Variants in FGF14 observed in about 807,000 individuals in gnomAD.
The protein encoded by FGF14 is fibroblast growth factor 14.
FGF14 carries 5 observed loss-of-function variants against 25.5 expected under a neutral mutation model. The ratio of observed to expected loss-of-function variants is 0.20; its 90% CI spans 0.10 to 0.41. The LOEUF (loss-of-function observed/expected upper bound fraction) is 0.41. FGF14 is among the 10% of genes least tolerant of loss of function. FGF14 has a pLI of 1.00. For missense variants in FGF14, 222 were observed against 320.1 expected (o/e 0.69, Z 2.34); for synonymous variants, 138 against 118.3 (o/e 1.17, Z -1.08).
At chr13:102,076,492 G>A (rs1051474442) in intron 1 of FGF14, among the ~76,000 whole-genome samples, 4 of 152,050 alleles carry the variant, frequency 2.6e-5, no homozygotes, top group African/African-American at 7.2e-5. Context: ...ATGAAATTGT[G>A]TAATGACACA....
At chr13:101,823,775 T>C (rs1317008707) in intron 3 of FGF14, among the ~76,000 whole-genome samples, 1 of 150,236 alleles carries the variant, frequency 6.7e-6, no homozygotes, top group Non-Finnish European at 1.5e-5. Context: ...ATACAAGATA[T>C]ACTATGTATA....
intron 1 of FGF14, among the ~76,000 whole-genome samples, chr13:102,281,384 C>A (rs541258437): frequency 1.3e-5 from 2 of 152,212 alleles, no homozygotes; most frequent in South Asian, 4.1e-4. Flanking sequence ...ATCAGCCCAG[C>A]AAAGAGAGGG....
chr13:101,982,285 T>C (rs725730), intron 1 of FGF14, among the ~76,000 whole-genome samples: 50,417 of 152,086 alleles, frequency 0.33, 9,147 homozygotes, highest in East Asian at 0.7. Flanking sequence ...TTCTATTTTA[T>C]GCAGCAGGTT....
intron 1 of FGF14, among the ~76,000 whole-genome samples, chr13:101,927,765 T>C (rs1484096381): frequency 6.6e-6 from 1 of 152,030 alleles, no homozygotes; most frequent in Non-Finnish European, 1.5e-5. Context: ...TTTCTTTGAC[T>C]CCTACACACT....
intron 1 of FGF14, among the ~76,000 whole-genome samples, chr13:102,109,378 G>T (rs2045101172): frequency 6.6e-6 from 1 of 152,120 alleles, no homozygotes; most frequent in South Asian, 2.1e-4. Context: ...ACAACGTTTT[G>T]TATACTTGAA....
At chr13:102,003,301 G>C (rs1174988934) in intron 1 of FGF14, 1 of 152,164 alleles carries the variant, frequency 6.6e-6, no homozygotes, top group Non-Finnish European at 1.5e-5. Flanking sequence ...TGTGAATAAA[G>C]AGAGCCATGG....
chr13:102,126,433 T>C (rs1411614473), intron 1 of FGF14, among the ~76,000 whole-genome samples: 2 of 152,230 alleles, frequency 1.3e-5, no homozygotes, highest in South Asian at 2.1e-4. Context: ...TTCTATTGTA[T>C]GTAGATACCA....
intron 3 of FGF14, among the ~76,000 whole-genome samples, chr13:101,730,864 T>C (rs1226479521): frequency 1.3e-5 from 2 of 152,164 alleles, no homozygotes; most frequent in Admixed American, 6.5e-5. Context: ...GGTGAGGAGA[T>C]GAAGACAGTG....
intron 1 of FGF14, among the ~76,000 whole-genome samples, chr13:101,968,331 T>A (rs1171546368): frequency 1.3e-5 from 2 of 152,180 alleles, no homozygotes; most frequent in African/African-American, 2.4e-5. Context: ...ATATTTTACC[T>A]GTTGGATGTA....
intron 1 of FGF14, among the ~76,000 whole-genome samples, chr13:102,250,031 A>G (rs2052091578): frequency 6.6e-6 from 1 of 152,144 alleles, no homozygotes; most frequent in African/African-American, 2.4e-5. Flanking sequence ...CTGCCTATGT[A>G]AGAAGACCAC....
At chr13:102,323,512 T>C (rs1227247809) in intron 1 of FGF14, among the ~76,000 whole-genome samples, 1 of 152,192 alleles carries the variant, frequency 6.6e-6, no homozygotes, top group Non-Finnish European at 1.5e-5. Flanking sequence ...TGATATGACA[T>C]TGGTAAAGAT....
intron 1 of FGF14, among the ~76,000 whole-genome samples, chr13:102,075,888 A>C (rs1241579644): frequency 1.3e-5 from 2 of 152,218 alleles, no homozygotes; most frequent in African/African-American, 2.4e-5. Flanking sequence ...AACATTTAAA[A>C]AGTAAAAAAA....
intron 1 of FGF14, among the ~76,000 whole-genome samples, chr13:101,904,269 C>T (rs903058464): frequency 6.6e-6 from 1 of 152,016 alleles, no homozygotes; most frequent in African/African-American, 2.4e-5. Flanking sequence ...TTTTGTGGAC[C>T]TTTGGGCTCT....
At chr13:102,237,730 T>C (rs969054822) in intron 1 of FGF14, among the ~76,000 whole-genome samples, 1 of 152,202 alleles carries the variant, frequency 6.6e-6, no homozygotes, top group African/African-American at 2.4e-5. Context: ...AATATGTAAG[T>C]GTAGAACTGA....
At chr13:101,825,216 A>C (rs1343607860) in intron 3 of FGF14, among the ~76,000 whole-genome samples, 2 of 152,048 alleles carry the variant, frequency 1.3e-5, no homozygotes, top group African/African-American at 4.8e-5. Flanking sequence ...TGAACCCTTA[A>C]CCTGTGAGAT....
intron 1 of FGF14, among the ~76,000 whole-genome samples, chr13:102,120,266 A>T (rs1309037418): frequency 6.6e-6 from 1 of 152,246 alleles, no homozygotes; most frequent in Non-Finnish European, 1.5e-5. Flanking sequence ...CACTAAACAA[A>T]GCCGTAAACA....
chr13:102,077,483 T>C (rs1444583721), intron 1 of FGF14, among the ~76,000 whole-genome samples: 4 of 152,106 alleles, frequency 2.6e-5, no homozygotes. Context: ...AGGTAAAGGA[T>C]ATGAATAGTT....
chr13:102,251,277 T>G (rs1001183971), intron 1 of FGF14, among the ~76,000 whole-genome samples: 1 of 152,138 alleles, frequency 6.6e-6, no homozygotes, highest in Non-Finnish European at 1.5e-5. Context: ...GATGTCTGTT[T>G]GAAAATTCCT....
At position 101,719,807 on chromosome 13, in the gene FGF14, C is replaced by T. The variant is rs552619509; in HGVS notation, c.*3024G>A. ...AATGAATTCCATCAGATTTACTATA[C>T]GGAACATCAGTAGTGACAGATTGCA... On this transcript the variant is annotated 3_prime_UTR_variant, in exon 5 of 5. Coordinates refer to ENST00000376143, the MANE Select transcript of FGF14 (RefSeq NM_004115.4). The T allele has an allele frequency of 5.9e-5, 9 of 152,066 alleles. No individual in the cohort carries two copies. Among genetic ancestry groups the T allele is most frequent in the South Asian group, 4.1e-4 (2 of 4,822 alleles). 9.4% of individuals were successfully genotyped at this position (152,066 alleles called of 1,614,324 possible).
Sources: gnomAD v4.1 joint callset for allele counts (sites outside exome capture counted in the v4.1 genomes callset) on GRCh38, gnomAD v4.1.1 for gene constraint, MANE v1.5 for transcripts, NCBI Gene and HGNC (gene_info 2026-07-23, HGNC 2026-07-21) for gene names.